Variants in ERBB4 observed in about 807,000 individuals in gnomAD.
The protein encoded by ERBB4 is erb-b2 receptor tyrosine kinase 4, also known as receptor tyrosine-protein kinase erbB-4.
ERBB4 carries 42 observed loss-of-function variants against 158.0 expected under a neutral mutation model. That is an observed-to-expected ratio of 0.27 (90% CI 0.21 to 0.34). ERBB4 has a LOEUF of 0.34. Ranked by LOEUF, ERBB4 falls within the 10% of genes least tolerant of loss-of-function variation. The pLI is 1.00. For missense variants in ERBB4, 1,333 were observed against 1,624.1 expected (o/e 0.82, Z 3.08); for synonymous variants, 583 against 558.7 (o/e 1.04, Z -0.61).
At chr2:212,424,457 G>A (rs892884030) in intron 1 of ERBB4, among the ~76,000 whole-genome samples, 2 of 152,042 alleles carry the variant, frequency 1.3e-5, no homozygotes, top group Non-Finnish European at 2.9e-5. Flanking sequence ...GTCCATCTAT[G>A]CACATAAAAG....
At chr2:211,394,072 G>C (rs1233724918) in intron 25 of ERBB4, among the ~76,000 whole-genome samples, 3 of 151,948 alleles carry the variant, frequency 2.0e-5, no homozygotes, top group Non-Finnish European at 4.4e-5. Context: ...TAGAACAAGA[G>C]GATATTTCCT....
intron 3 of ERBB4, among the ~76,000 whole-genome samples, chr2:211,894,545 A>T (rs1043674906): frequency 6.6e-6 from 1 of 150,930 alleles, no homozygotes; most frequent in African/African-American, 2.5e-5. Context: ...CATGTACCCT[A>T]AAACTTAAAG....
At chr2:211,532,684 G>C (rs11898476) in intron 20 of ERBB4, among the ~76,000 whole-genome samples, 23 of 151,644 alleles carry the variant, frequency 1.5e-4, no homozygotes, top group Non-Finnish European at 2.7e-4. Flanking sequence ...TGAACAAGAC[G>C]TCCGGAAATG....
chr2:212,328,508 C>A lies in ERBB4; in HGVS notation c.83-203605G>T, dbSNP rs139961890. Among the ~76,000 whole-genome samples the A allele has an allele frequency of 6.8e-4, 104 of 152,044 alleles. 1 individual carries two copies. The highest frequency in any genetic ancestry group is 2.4e-3 in the African/African-American group (100 of 41,510). On this transcript the variant is annotated intron_variant, in intron 1 of 27. Coordinates refer to ENST00000342788, the MANE Select transcript of ERBB4 (RefSeq NM_005235.3). ...TCACACTACAGAGTAGCATATGAAGCTGGAGATATTATGGTCATCATTTGA... is the reference window on the plus strand; with the variant it reads ...TCACACTACAGAGTAGCATATGAAGATGGAGATATTATGGTCATCATTTGA...
intron 19 of ERBB4, among the ~76,000 whole-genome samples, chr2:211,578,464 A>G (rs1353364776): frequency 6.6e-6 from 1 of 152,202 alleles, no homozygotes; most frequent in Non-Finnish European, 1.5e-5. Flanking sequence ...TTTTTAAATT[A>G]TATGGAACCA....
intron 1 of ERBB4, among the ~76,000 whole-genome samples, chr2:212,515,655 A>T (rs1691783300): frequency 6.6e-6 from 1 of 152,000 alleles, no homozygotes; most frequent in Non-Finnish European, 1.5e-5. Flanking sequence ...TTGATATTCA[A>T]ATTATTCATT....
intron 1 of ERBB4, among the ~76,000 whole-genome samples, chr2:212,226,561 T>G (rs1160271882): frequency 6.6e-6 from 1 of 152,202 alleles, no homozygotes; most frequent in Non-Finnish European, 1.5e-5. Flanking sequence ...TACTAATTCT[T>G]ATTTCTATCC....
At chr2:211,602,443 G>A (rs1193896067) in intron 19 of ERBB4, among the ~76,000 whole-genome samples, 1 of 151,990 alleles carries the variant, frequency 6.6e-6, no homozygotes, top group Non-Finnish European at 1.5e-5. Context: ...TTGTTCACCA[G>A]CCTGCAATCC....
chr2:211,510,667 C>G (rs2065864174), intron 20 of ERBB4, among the ~76,000 whole-genome samples: 1 of 152,022 alleles, frequency 6.6e-6, no homozygotes, highest in Admixed American at 6.6e-5. Context: ...ATATCTCTCT[C>G]TGAAAAGCTG....
intron 4 of ERBB4, among the ~76,000 whole-genome samples, chr2:211,760,955 C>G (rs1339897905): frequency 6.6e-6 from 1 of 151,930 alleles, no homozygotes; most frequent in East Asian, 1.9e-4. Context: ...CCTATAAGCC[C>G]AGCACTTTGG....
At chr2:211,629,320 C>T (rs1017612178) in intron 17 of ERBB4, among the ~76,000 whole-genome samples, 5 of 151,822 alleles carry the variant, frequency 3.3e-5, no homozygotes, top group African/African-American at 1.2e-4. Context: ...AATAAAATAC[C>T]TAGGAATCCA....
rs184935742 is a variant in ERBB4, at chr2:211,599,293, C to T, written c.2301+19884G>A. 4.0e-3 allele frequency among the ~76,000 whole-genome samples: 607 copies of T among 152,214 alleles called. 5 individuals are homozygous for T. Among genetic ancestry groups the T allele is most frequent in the African/African-American group, 0.013 (534 of 41,538 alleles). On this transcript the variant is annotated intron_variant, in intron 19 of 27. Transcript: ENST00000342788. ...ATGGTTGAATGCACTCGTATGCATACTTTTTCTGAACAAAGGATCCATAGC... is the reference window on the plus strand; with the variant it reads ...ATGGTTGAATGCACTCGTATGCATATTTTTTCTGAACAAAGGATCCATAGC...
intron 20 of ERBB4, among the ~76,000 whole-genome samples, chr2:211,499,707 C>T (rs2065568453): frequency 1.3e-5 from 2 of 152,090 alleles, no homozygotes; most frequent in Admixed American, 1.3e-4. Flanking sequence ...GGACTTCACT[C>T]ATAAGCATCA....
intron 1 of ERBB4, among the ~76,000 whole-genome samples, chr2:212,537,555 G>C (rs1316495793): frequency 1.3e-5 from 2 of 151,992 alleles, no homozygotes; most frequent in Admixed American, 6.5e-5. Flanking sequence ...CAGTGGCCGC[G>C]CACCCATCGC....
At chr2:212,374,700 T>C (rs1247928892) in intron 1 of ERBB4, among the ~76,000 whole-genome samples, 3 of 151,946 alleles carry the variant, frequency 2.0e-5, no homozygotes, top group Non-Finnish European at 4.4e-5. Context: ...ATGGCGTCAG[T>C]TCCATTCTTG....
intron 1 of ERBB4, among the ~76,000 whole-genome samples, chr2:212,164,079 G>T (rs1366734966): frequency 6.6e-6 from 1 of 152,034 alleles, no homozygotes; most frequent in African/African-American, 2.4e-5. Context: ...TGGGATGATA[G>T]GTGTGAGCCA....
chr2:211,888,519 A>C (rs2078865339), intron 3 of ERBB4, among the ~76,000 whole-genome samples: 1 of 152,136 alleles, frequency 6.6e-6, no homozygotes, highest in African/African-American at 2.4e-5. Context: ...TATGCAGGTA[A>C]ATATTCATTT....
intron 3 of ERBB4, among the ~76,000 whole-genome samples, chr2:211,815,583 T>G (rs1434008419): frequency 1.3e-5 from 2 of 152,206 alleles, no homozygotes; most frequent in African/African-American, 4.8e-5. Flanking sequence ...AATATTTAAT[T>G]CATTGTAAAC....
At chr2:212,319,329 T>C (rs73068269) in intron 1 of ERBB4, among the ~76,000 whole-genome samples, 7,368 of 139,696 alleles carry the variant, frequency 0.053, 696 homozygotes, top group African/African-American at 0.17. Flanking sequence ...GACATTCCAA[T>C]TCACTTTTCC....
Sources: allele counts gnomAD v4.1 joint callset (sites outside exome capture counted in the v4.1 genomes callset), GRCh38; gene constraint gnomAD v4.1.1; transcripts MANE v1.5; gene names NCBI Gene and HGNC (gene_info 2026-07-23, HGNC 2026-07-21).